Variants in PHF14 observed in about 807,000 individuals in gnomAD.
PHF14 encodes PHD finger protein 14.
Under a neutral mutation model 117.9 loss-of-function variants are expected in PHF14, and 55 were observed. That is an observed-to-expected ratio of 0.47 (90% confidence interval 0.38 to 0.58). The LOEUF (loss-of-function observed/expected upper bound fraction) is 0.58, where lower values mean the gene tolerates loss of function less well. PHF14 is among the 20% of genes least tolerant of loss of function. The pLI is 0.00. For synonymous variants in PHF14, 409 were observed against 368.6 expected (o/e 1.11, Z -1.26); for missense variants, 978 against 1,122.2 (o/e 0.87, Z 1.84).
chr7:10,988,832 T>C (rs750702861), intron 3 of PHF14, among the ~76,000 whole-genome samples: 1 of 152,212 alleles, frequency 6.6e-6, no homozygotes, highest in African/African-American at 2.4e-5. Flanking sequence ...GAAGTAGATA[T>C]TATTTTTATC....
intron 16 of PHF14, among the ~76,000 whole-genome samples, chr7:11,090,740 AC>A (rs1562461466): frequency 1.3e-5 from 2 of 152,194 alleles, no homozygotes; most frequent in African/African-American, 4.8e-5. Context: ...AAAGGCATTC[AC>A]TTATTTATAC....
chr7:10,985,638 G>GTTTTGTT lies in PHF14; in HGVS notation c.900+2483_900+2484insGTTTTTT, dbSNP rs1782194182. Among the ~76,000 whole-genome samples, 2 of 45,936 alleles carry GTTTTGTT rather than the reference G, an allele frequency of 4.4e-5. 1 individual carries two copies. Among genetic ancestry groups the GTTTTGTT allele is most frequent in the Admixed American group, 8.4e-4 (2 of 2,376 alleles). The allele number at this position is 45,936 out of a possible 152,430, so 30.1% of individuals were successfully genotyped here. ...ACTCTCTAGCAGTGATTCTCAAACTGTTTTTTTTTTTTTTTTTTTTTTTTT... is the reference window on the plus strand; with the variant it reads ...ACTCTCTAGCAGTGATTCTCAAACTGTTTTGTTTTTTTTTTTTTTTTTTTTTTTTTTT... On this transcript the variant is annotated intron_variant, in intron 3 of 17. Transcript: ENST00000634607.
At chr7:11,097,221 C>T (rs1217593429) in intron 16 of PHF14, among the ~76,000 whole-genome samples, 5 of 152,146 alleles carry the variant, frequency 3.3e-5, no homozygotes, top group South Asian at 2.1e-4. Flanking sequence ...TCAGGTGATC[C>T]GCCTGCCTCA....
intron 17 of PHF14, among the ~76,000 whole-genome samples, chr7:11,113,473 A>G (rs116126941): frequency 0.012 from 1,853 of 152,310 alleles, 28 homozygotes; most frequent in African/African-American, 0.043. Flanking sequence ...TTGAATACCA[A>G]TATAAACAAC....
chr7:11,106,641 A>G (rs983289861), intron 16 of PHF14: 4 of 982,670 alleles, frequency 4.1e-6, no homozygotes, highest in Non-Finnish European at 4.8e-6. Context: ...CCACTATTCA[A>G]TGAAAGAACT....
At chr7:11,027,224 TTA>T (rs1783950626) in intron 6 of PHF14, among the ~76,000 whole-genome samples, 2 of 152,178 alleles carry the variant, frequency 1.3e-5, no homozygotes, top group Non-Finnish European at 2.9e-5. Context: ...TAATTTCTCT[TTA>T]TCTCTCTTGC....
rs532826487 is a variant in PHF14 at position 10,975,921 on chromosome 7, AC to A, written c.112+977del. 2.4e-4 allele frequency among the ~76,000 whole-genome samples: 37 copies of A among 152,248 alleles called. No homozygotes were observed. In the East Asian group the frequency reaches 6.8e-3, roughly 28 times the overall value. Reference sequence around the variant, plus strand: ...AGGAAGGGATGAACGAAATTATATTACTGTTGCTACTTTTAGTAGCATCAAC... The same window carrying A: ...AGGAAGGGATGAACGAAATTATATTATGTTGCTACTTTTAGTAGCATCAAC... On this transcript the variant is annotated intron_variant, in intron 2 of 17. Coordinates refer to ENST00000634607, the MANE Select transcript of PHF14 (RefSeq NM_001007157.2).
chr7:10,990,898 T>C, intron 4 of PHF14, 51 bp downstream of exon 4: 1 of 1,359,704 alleles, frequency 7.4e-7, no homozygotes, highest in Non-Finnish European at 1.0e-6. Context: ...CTGTGGCTCT[T>C]TTACATTTGT....
intron 4 of PHF14, among the ~76,000 whole-genome samples, chr7:10,996,138 A>G (rs951649281): frequency 6.6e-6 from 1 of 152,226 alleles, no homozygotes; most frequent in African/African-American, 2.4e-5. Flanking sequence ...CAGAGGATTA[A>G]TATGGTTTGA....
At chr7:11,028,429 A>G (rs939813573) in intron 6 of PHF14, among the ~76,000 whole-genome samples, 2 of 152,164 alleles carry the variant, frequency 1.3e-5, no homozygotes, top group South Asian at 4.1e-4. Context: ...TCCTCAAATA[A>G]TTTTAATTAT....
At position 11,103,454 on chromosome 7, in the gene PHF14, A is replaced by C. The variant is rs555497021; in HGVS notation, c.2655-7896A>C. The C allele has an allele frequency of 1.2e-5, 12 of 982,126 alleles. No individual in the cohort carries two copies. The South Asian group carries it at 4.7e-4, about 39-fold the overall frequency. The allele number at this position is 982,126 out of a possible 1,614,324, so 60.8% of individuals were successfully genotyped here. Reference sequence around the variant, plus strand: ...TTCATCAACATCTGTATCTTTCCAGAGGTATACAGAATTAAAATTTGATCT... The same window carrying C: ...TTCATCAACATCTGTATCTTTCCAGCGGTATACAGAATTAAAATTTGATCT... On this transcript the variant is annotated intron_variant, in intron 16 of 17. Transcript: ENST00000634607.
At chr7:11,103,783 A>G (rs1274970491) in intron 16 of PHF14, 5 of 985,104 alleles carry the variant, frequency 5.1e-6, no homozygotes, top group Non-Finnish European at 6.0e-6. Context: ...ACAGTGAGGA[A>G]CGCTATGATT....
At chr7:10,976,301 G>A (rs562539515) in intron 2 of PHF14, among the ~76,000 whole-genome samples, 1 of 152,188 alleles carries the variant, frequency 6.6e-6, no homozygotes, top group South Asian at 2.1e-4. Flanking sequence ...TTGGTTTGCT[G>A]ATATTTGGTA....
intron 4 of PHF14, chr7:11,006,848 T>A (rs1452046670): frequency 1.1e-5 from 7 of 651,784 alleles, no homozygotes; most frequent in Non-Finnish European, 2.0e-5. Context: ...GACAGGAGCT[T>A]CCTTCACTTT....
chr7:10,983,157 G>A lies in PHF14; in HGVS notation c.898G>A (p.Glu300Lys). 6.3e-7 allele frequency: 1 copy of A among 1,585,496 alleles called. No individual in the cohort carries two copies. Among genetic ancestry groups the A allele is most frequent in the Non-Finnish European group, 8.5e-7 (1 of 1,172,452 alleles). ...GACCCTATCTCAAAGCAAGAGTAAT[G>A]AGGTAGATCAACCCAATTTTTATAT... ...SLTLSQSKSN[E>K]DSLILEKSQN... The change falls in exon 3 of 18, where the codon GAG becomes AAG. Residue 300 changes from glutamate (E) to lysine (K), a missense_variant and splice_region_variant. Physicochemically the swap from Glu to Lys is moderately conservative, Grantham distance 56. Around this residue, in one of 7 missense-constraint regions of PHF14, gnomAD observed 414 missense variants for 376.4 expected, o/e 1.10. Transcript: ENST00000634607.
Position 11,028,674 on chromosome 7 carries a change from G to A in PHF14, c.1318-7G>A, listed in dbSNP as rs1784012927. The A allele has an allele frequency of 1.9e-6, 3 of 1,613,202 alleles. No homozygotes were observed. Among genetic ancestry groups the A allele is most frequent in the Non-Finnish European group, 1.7e-6 (2 of 1,179,566 alleles). ...GCTTTGAGAATTTTTCTGTTACTTT[G>A]TTGTAGGAGTGTAGCTTTTGTGAAG... On this transcript the variant is annotated splice_polypyrimidine_tract_variant and splice_region_variant and intron_variant, in intron 6 of 17. Coordinates refer to ENST00000634607, the MANE Select transcript of PHF14 (RefSeq NM_001007157.2).
At position 10,975,506 on chromosome 7, in the gene PHF14, A is replaced by G. The variant is rs1257466811; in HGVS notation, c.112+561A>G. On this transcript the variant is annotated intron_variant, in intron 2 of 17. Coordinates refer to ENST00000634607, the MANE Select transcript of PHF14 (RefSeq NM_001007157.2). The stretch of plus-strand genomic sequence containing the variant: ...GCATGCTTGCTCACTATATTTAGTA[A>G]TTTTAAAAACTTTTTTTAAAGGTCG... Among the ~76,000 whole-genome samples the G allele has an allele frequency of 3.3e-5, 5 of 152,310 alleles. No individual in the cohort carries two copies. The East Asian group carries it at 7.7e-4, about 24-fold the overall frequency.
At position 11,023,096 on chromosome 7, in the gene PHF14, T is replaced by C. The variant is rs1042211012; in HGVS notation, c.1317+117T>C. The C allele has an allele frequency of 2.1e-5, 11 of 521,176 alleles. No homozygotes were observed. In the South Asian group the frequency reaches 3.3e-4, roughly 16 times the overall value. The allele number at this position is 521,176 out of a possible 1,614,324, so 32.3% of individuals were successfully genotyped here. The stretch of plus-strand genomic sequence containing the variant: ...AATGCTTACTAGGAATCATTCTATT[T>C]AGCACTAAATCATTTATTATTGATA... On this transcript the variant is annotated intron_variant, in intron 6 of 17. Coordinates refer to ENST00000634607, the MANE Select transcript of PHF14 (RefSeq NM_001007157.2).
intron 17 of PHF14, among the ~76,000 whole-genome samples, chr7:11,137,917 T>C (rs1788272597): frequency 6.6e-6 from 1 of 151,852 alleles, no homozygotes; most frequent in Non-Finnish European, 1.5e-5. Context: ...TTGTATTAAA[T>C]AAAAAGGTAA....
Sources: allele counts gnomAD v4.1 joint callset (sites outside exome capture counted in the v4.1 genomes callset), GRCh38; gene constraint gnomAD v4.1.1; regional missense constraint gnomAD v4.1.1; transcripts MANE v1.5; gene names NCBI Gene and HGNC (gene_info 2026-07-23, HGNC 2026-07-21).